Variants in KCTD9 observed in about 807,000 individuals in gnomAD.
KCTD9 encodes the protein BTB/POZ domain-containing protein KCTD9.
A neutral mutation model predicts 53.3 loss-of-function variants in KCTD9; 17 were observed. The observed-to-expected ratio is 0.32, with a 90% CI of 0.22 to 0.48. KCTD9 has a LOEUF of 0.48. KCTD9 is among the 20% of genes least tolerant of loss of function. KCTD9 has a pLI of 0.99. For missense variants in KCTD9, 179 were observed against 465.5 expected, an observed-to-expected ratio of 0.38 and a Z score of 5.66; for synonymous variants, 128 against 162.7, an observed-to-expected ratio of 0.79 and a Z score of 1.62.
chr8:25,454,039 C>G (rs147003189), intron 1 of KCTD9, among the ~76,000 whole-genome samples: 26 of 152,088 alleles, frequency 1.7e-4, no homozygotes, highest in Admixed American at 4.6e-4. Context: ...CAACATATTT[C>G]TTTTTCATTC....
chr8:25,439,055 T>C (rs1443277328), intron 6 of KCTD9, among the ~76,000 whole-genome samples: 2 of 152,330 alleles, frequency 1.3e-5, no homozygotes, highest in South Asian at 2.1e-4. Context: ...TTTAGCTATA[T>C]GTACAAAGAC....
At chr8:25,438,426 G>A (rs934862803) in intron 6 of KCTD9, among the ~76,000 whole-genome samples, 1 of 151,978 alleles carries the variant, frequency 6.6e-6, no homozygotes, top group Non-Finnish European at 1.5e-5. Context: ...CAGTCCTCAG[G>A]CTGATTCTGA....
intron 1 of KCTD9, among the ~76,000 whole-genome samples, chr8:25,446,514 G>C (rs1338844530): frequency 6.6e-6 from 1 of 152,086 alleles, no homozygotes; most frequent in Admixed American, 6.6e-5. Flanking sequence ...CGCTCCAGTT[G>C]TGAAGTAAGA....
intron 1 of KCTD9, 80 bp downstream of exon 1, chr8:25,458,119 C>A: frequency 7.2e-7 from 1 of 1,397,036 alleles, no homozygotes; most frequent in South Asian, 1.2e-5. Context: ...CCAACTTCAC[C>A]GCTGCCCCGC....
chr8:25,444,243 C>CTT (rs57257880), intron 3 of KCTD9, 49 bp downstream of exon 3: 116,356 of 953,280 alleles, frequency 0.12, 1,541 homozygotes, highest in South Asian at 0.15. Flanking sequence ...GTCATTCCAT[C>CTT]TTTTTTTTTT....
chr8:25,446,695 T>TAG (rs1418562167), intron 1 of KCTD9, among the ~76,000 whole-genome samples: 3 of 152,266 alleles, frequency 2.0e-5, no homozygotes, highest in Non-Finnish European at 4.4e-5. Context: ...TGAGACCTAG[T>TAG]AAGTCCCTAT....
At chr8:25,432,446 C>T in intron 11 of KCTD9, 58 bp downstream of exon 11, 2 of 1,462,864 alleles carry the variant, frequency 1.4e-6, no homozygotes, top group Non-Finnish European at 1.9e-6. Context: ...ATAAATTTTG[C>T]ATGAGATGCT....
intron 1 of KCTD9, among the ~76,000 whole-genome samples, chr8:25,452,536 C>G (rs1802347390): frequency 6.6e-6 from 1 of 152,164 alleles, no homozygotes; most frequent in Admixed American, 6.5e-5. Flanking sequence ...ATTCCTACCC[C>G]ACCCCAGACC....
rs1217676298 is a variant in KCTD9, at chr8:25,429,229, G to A, written c.*628C>T. ...CTTTCCACTCTGTCTCAATCAGTAA[G>A]AACTGGATATTACTTTAATTTAGCT... is the stretch of plus-strand genomic sequence containing the variant. On this transcript the variant is annotated 3_prime_UTR_variant, in exon 12 of 12. Transcript: ENST00000221200. 1 of 152,534 alleles carries A rather than the reference G, an allele frequency of 6.6e-6. No individual in the cohort carries two copies. The highest frequency in any genetic ancestry group is 1.9e-4 in the East Asian group (1 of 5,200). 9.4% of individuals were successfully genotyped at this position (152,534 alleles called of 1,614,324 possible).
intron 3 of KCTD9, 42 bp downstream of exon 3, chr8:25,444,250 T>C: frequency 7.0e-7 from 1 of 1,423,868 alleles, no homozygotes; most frequent in Non-Finnish European, 9.5e-7. Flanking sequence ...CATCTTTTTT[T>C]TTTTTTTTTG....
intron 11 of KCTD9, 114 bp downstream of exon 11, chr8:25,432,390 G>A: frequency 2.3e-6 from 2 of 861,880 alleles, no homozygotes; most frequent in Non-Finnish European, 3.7e-6. Flanking sequence ...TGTCAGATGA[G>A]TCTTCCAATC....
intron 1 of KCTD9, among the ~76,000 whole-genome samples, chr8:25,449,566 TG>T (rs57227987): frequency 0.34 from 51,934 of 152,084 alleles, 9,149 homozygotes; most frequent in African/African-American, 0.43. Context: ...GGTTTTTCTG[TG>T]GGTCTATTGT....
At chr8:25,434,502 T>G (rs989896877) in intron 9 of KCTD9, among the ~76,000 whole-genome samples, 2 of 152,182 alleles carry the variant, frequency 1.3e-5, no homozygotes, top group Non-Finnish European at 2.9e-5. Flanking sequence ...ATTTAAAGAT[T>G]AGGTCCTTCA....
At chr8:25,456,612 A>C (rs1183877858) in intron 1 of KCTD9, among the ~76,000 whole-genome samples, 1 of 152,150 alleles carries the variant, frequency 6.6e-6, no homozygotes, top group Non-Finnish European at 1.5e-5. Context: ...CATTTTCCCC[A>C]ATCTTCTGAG....
chr8:25,437,412 C>T (rs1427841810), intron 6 of KCTD9, among the ~76,000 whole-genome samples: 1 of 152,144 alleles, frequency 6.6e-6, no homozygotes, highest in African/African-American at 2.4e-5. Flanking sequence ...GCCGGGCTCA[C>T]ACCTGTAATC....
At chr8:25,430,808 T>TACACACACACACACAC (rs139075991) in intron 11 of KCTD9, among the ~76,000 whole-genome samples, 5 of 145,470 alleles carry the variant, frequency 3.4e-5, no homozygotes, top group South Asian at 2.2e-4. Context: ...ACATAATAAA[T>TACACACACACACACAC]ACACACACAC....
At chr8:25,439,488 A>G (rs925970287) in intron 5 of KCTD9, 81 bp from the exon 6 acceptor site, 105 of 1,562,696 alleles carry the variant, frequency 6.7e-5, no homozygotes, top group Non-Finnish European at 8.1e-5. Flanking sequence ...ATTGCTAAAT[A>G]TAAGTTTTTA....
In KCTD9 at chr8:25,446,162, T is replaced by C; in HGVS notation, c.137A>G (p.Lys46Arg). 1.2e-6 allele frequency: 2 copies of C among 1,613,956 alleles called. No individual in the cohort carries two copies. Among genetic ancestry groups the C allele is most frequent in the Non-Finnish European group, 1.7e-6 (2 of 1,179,892 alleles). ...AGCAATATCATCAATCAGTCCACCTTTCCCATTATACACACTGGTGGCTTT... is the reference window on the plus strand; with the variant it reads ...AGCAATATCATCAATCAGTCCACCTCTCCCATTATACACACTGGTGGCTTT... ...GIKATSVYNG[K>R]GGLIDDIALI... Residue 46 changes from lysine to arginine, a missense_variant, in exon 2 of 12, where the codon AAA becomes AGA. This residue lies in a region of KCTD9 where 115 missense variants were observed against 250.9 expected (regional missense o/e 0.46). Transcript: ENST00000221200.
At chr8:25,445,291 G>A (rs1586432704) in intron 2 of KCTD9, among the ~76,000 whole-genome samples, 1 of 152,132 alleles carries the variant, frequency 6.6e-6, no homozygotes, top group Non-Finnish European at 1.5e-5. Context: ...CAGCTTCACA[G>A]GTAATTCGTT....
Sources: allele counts gnomAD v4.1 joint callset (sites outside exome capture counted in the v4.1 genomes callset), GRCh38; gene constraint gnomAD v4.1.1; regional missense constraint gnomAD v4.1.1; transcripts MANE v1.5; gene names NCBI Gene and HGNC (gene_info 2026-07-23, HGNC 2026-07-21).